The following CNTN5 variants were observed in gnomAD, a reference collection of about 807,000 sequenced individuals.
The protein encoded by CNTN5 is contactin-5.
In CNTN5, 77 loss-of-function variants were observed where a neutral mutation model predicts 129.1. That is an observed-to-expected ratio of 0.60 (90% confidence interval 0.50 to 0.72). The LOEUF (loss-of-function observed/expected upper bound fraction) is 0.72. Ranked by LOEUF, CNTN5 falls within the 30% of genes least tolerant of loss-of-function variation. The probability of loss-of-function intolerance (pLI) is 0.00; values close to 1 mark genes in which losing one functional copy is unlikely to be tolerated. For missense variants in CNTN5, 1,478 were observed against 1,328.8 expected (o/e 1.11, Z -1.75); for synonymous variants, 509 against 465.6 (o/e 1.09, Z -1.20).
chr11:99,668,498 A>C (rs1446066292), intron 3 of CNTN5, among the ~76,000 whole-genome samples: 1 of 152,174 alleles, frequency 6.6e-6, no homozygotes, highest in African/African-American at 2.4e-5. Flanking sequence ...TAAGAAACTC[A>C]AGGGTGGTAC....
rs562681526 is a variant in CNTN5 at position 99,633,162 on chromosome 11, C to T, written c.55+76893C>T. Among the ~76,000 whole-genome samples, 182 of 152,198 alleles carry T rather than the reference C, an allele frequency of 1.2e-3. 1 individual carries two copies. The highest frequency in any genetic ancestry group is 4.2e-3 in the African/African-American group (176 of 41,542). On this transcript the variant is annotated intron_variant, in intron 3 of 24. Coordinates refer to ENST00000524871, the MANE Select transcript of CNTN5 (RefSeq NM_014361.4). ...CAGAATTCTTAAAAAGAGGAAAGAA[C>T]TTTCAGTTTCTCAGTGGCCATTTTT...
At chr11:99,080,716 C>G (rs1865756330) in intron 1 of CNTN5, among the ~76,000 whole-genome samples, 1 of 152,136 alleles carries the variant, frequency 6.6e-6, no homozygotes, top group African/African-American at 2.4e-5. Context: ...CAGCACAAAT[C>G]TCTGAGGAAG....
At position 99,711,364 on chromosome 11, in the gene CNTN5, A is replaced by G. The variant is rs144494477; in HGVS notation, c.56-108180A>G. On this transcript the variant is annotated intron_variant, in intron 3 of 24. Coordinates refer to ENST00000524871, the MANE Select transcript of CNTN5 (RefSeq NM_014361.4). ...TTATTCATGGTTTAATCACAGCTATATTACCTAACTTACTTTTACTTAGAA... is the reference window on the plus strand; with the variant it reads ...TTATTCATGGTTTAATCACAGCTATGTTACCTAACTTACTTTTACTTAGAA... Among the ~76,000 whole-genome samples, 425 of 152,038 alleles carry G rather than the reference A, an allele frequency of 2.8e-3. 1 individual carries two copies. Among genetic ancestry groups the G allele is most frequent in the African/African-American group, 8.1e-3 (336 of 41,530 alleles).
intron 13 of CNTN5, among the ~76,000 whole-genome samples, chr11:100,172,841 G>T (rs1449949110): frequency 2.6e-5 from 4 of 152,152 alleles, no homozygotes; most frequent in Non-Finnish European, 5.9e-5. Context: ...AAGAAGTTTG[G>T]GTTTTATCCT....
chr11:100,256,002 T>C (rs1260219873), intron 17 of CNTN5, 84 bp downstream of exon 17: 10 of 1,167,232 alleles, frequency 8.6e-6, no homozygotes, highest in Non-Finnish European at 1.2e-5. Flanking sequence ...CTTACTATGA[T>C]TTTTTTGGAT....
At chr11:99,881,126 G>T (rs1167843314) in intron 6 of CNTN5, among the ~76,000 whole-genome samples, 1 of 152,122 alleles carries the variant, frequency 6.6e-6, no homozygotes, top group Non-Finnish European at 1.5e-5. Flanking sequence ...CATTAATAGA[G>T]GTATGTTTCT....
chr11:99,086,480 G>A (rs1258181569), intron 1 of CNTN5, among the ~76,000 whole-genome samples: 2 of 152,164 alleles, frequency 1.3e-5, no homozygotes, highest in African/African-American at 2.4e-5. Flanking sequence ...GGGCCAGTGA[G>A]AGCAGGATCA....
intron 9 of CNTN5, among the ~76,000 whole-genome samples, chr11:100,014,430 C>G (rs1278300899): frequency 6.6e-6 from 1 of 151,834 alleles, no homozygotes; most frequent in Non-Finnish European, 1.5e-5. Flanking sequence ...GCTCTCTTAC[C>G]TCTGCTGCAA....
intron 1 of CNTN5, among the ~76,000 whole-genome samples, chr11:99,226,218 T>G (rs1263658331): frequency 1.3e-5 from 2 of 152,152 alleles, no homozygotes; most frequent in African/African-American, 4.8e-5. Flanking sequence ...ATGAAAGAAT[T>G]TTAGTCTTAA....
At chr11:99,089,356 T>A (rs1866139746) in intron 1 of CNTN5, among the ~76,000 whole-genome samples, 1 of 152,230 alleles carries the variant, frequency 6.6e-6, no homozygotes, top group Non-Finnish European at 1.5e-5. Flanking sequence ...CAGATAATCA[T>A]ATATAACTAT....
intron 1 of CNTN5, among the ~76,000 whole-genome samples, chr11:99,212,736 T>A (rs1032065462): frequency 2.6e-5 from 4 of 152,164 alleles, no homozygotes; most frequent in African/African-American, 9.7e-5. Flanking sequence ...TTGCTAAAAG[T>A]CTTAACACAT....
At chr11:100,195,252 A>G (rs1260463564) in intron 15 of CNTN5, among the ~76,000 whole-genome samples, 2 of 151,990 alleles carry the variant, frequency 1.3e-5, no homozygotes, top group Non-Finnish European at 2.9e-5. Context: ...ATATCTAAAG[A>G]AAAAATACAT....
At chr11:99,486,870 A>C (rs1431093308) in intron 2 of CNTN5, among the ~76,000 whole-genome samples, 1 of 152,206 alleles carries the variant, frequency 6.6e-6, no homozygotes, top group Non-Finnish European at 1.5e-5. Context: ...AGAGATTAGA[A>C]AAATTTTTTA....
In CNTN5 at chr11:99,655,311, C is replaced by T. The variant is rs768062803; in HGVS notation, c.55+99042C>T. 1.0e-3 allele frequency among the ~76,000 whole-genome samples: 157 copies of T among 152,018 alleles called. 3 individuals are homozygous for T. The highest frequency in any genetic ancestry group is 3.9e-4 in the East Asian group (2 of 5,190). On this transcript the variant is annotated intron_variant, in intron 3 of 24. Transcript: ENST00000524871. Reference sequence around the variant, plus strand: ...ACAGTATCTAGTGCTACAAGACTCTCGGCAAGAAGAAGTGGTCCAAAGTAC... The same window carrying T: ...ACAGTATCTAGTGCTACAAGACTCTTGGCAAGAAGAAGTGGTCCAAAGTAC...
chr11:99,933,678 T>C (rs935664623), intron 7 of CNTN5, among the ~76,000 whole-genome samples: 2 of 152,238 alleles, frequency 1.3e-5, no homozygotes, highest in African/African-American at 4.8e-5. Flanking sequence ...AAATAATTGC[T>C]GAATATTTCA....
chr11:100,059,603 C>A (rs913627713), intron 9 of CNTN5, among the ~76,000 whole-genome samples: 10 of 152,046 alleles, frequency 6.6e-5, no homozygotes, highest in Non-Finnish European at 1.3e-4. Flanking sequence ...GATGTTCAAC[C>A]TCCTTAGGGT....
chr11:100,067,790 G>A (rs916727074), intron 10 of CNTN5, among the ~76,000 whole-genome samples: 1 of 151,590 alleles, frequency 6.6e-6, no homozygotes, highest in Non-Finnish European at 1.5e-5. Flanking sequence ...GCACATTTAT[G>A]TTCGTATCTT....
intron 7 of CNTN5, among the ~76,000 whole-genome samples, chr11:99,921,385 C>T (rs1315456013): frequency 6.6e-6 from 1 of 152,122 alleles, no homozygotes; most frequent in Non-Finnish European, 1.5e-5. Flanking sequence ...AGTCGCTATT[C>T]CCTAGGCCTG....
intron 1 of CNTN5, among the ~76,000 whole-genome samples, chr11:99,209,159 A>C (rs2135662583): frequency 6.7e-6 from 1 of 149,564 alleles, no homozygotes; most frequent in East Asian, 2.3e-4. Context: ...TCTAGGATTT[A>C]ATAAGAGAGA....
Sources: gnomAD v4.1 joint callset for allele counts (sites outside exome capture counted in the v4.1 genomes callset) on GRCh38, gnomAD v4.1.1 for gene constraint, MANE v1.5 for transcripts, NCBI Gene and HGNC (gene_info 2026-07-23, HGNC 2026-07-21) for gene names.